ZKSCAN1: variants seen among roughly 807,000 people sequenced by gnomAD.
ZKSCAN1 encodes the protein zinc finger protein with KRAB and SCAN domains 1.
In ZKSCAN1, 14 loss-of-function variants were observed where a neutral mutation model predicts 51.6. The ratio of observed to expected loss-of-function variants is 0.27; its 90% CI spans 0.18 to 0.42. ZKSCAN1 has a LOEUF of 0.42. Ranked by LOEUF, ZKSCAN1 falls within the 10% of genes least tolerant of loss-of-function variation. The pLI, the probability that ZKSCAN1 is intolerant of heterozygous loss-of-function variation, is 1.00. For missense variants in ZKSCAN1, 531 were observed against 710.0 expected (o/e 0.75, Z 2.86); for synonymous variants, 263 against 261.5 (o/e 1.01, Z -0.06).
intron 3 of ZKSCAN1, 126 bp from the exon 4 acceptor site, chr7:100,029,735 C>G (rs887359326): frequency 2.4e-6 from 2 of 826,016 alleles, no homozygotes; most frequent in Non-Finnish European, 3.8e-6. Flanking sequence ...GTCTGGAATT[C>G]TGTATTTGGG....
At chr7:100,022,246 G>C (rs1167366172) in intron 1 of ZKSCAN1, among the ~76,000 whole-genome samples, 1 of 152,192 alleles carries the variant, frequency 6.6e-6, no homozygotes, top group East Asian at 1.9e-4. Flanking sequence ...GTAGAGACAG[G>C]GTTTCACCAT....
chr7:100,043,158 T>G (rs1191146438), downstream of ZKSCAN1, among the ~76,000 whole-genome samples: 1 of 151,648 alleles, frequency 6.6e-6, no homozygotes, highest in Non-Finnish European at 1.5e-5. Flanking sequence ...TCTTGAACTC[T>G]TGGGCTCAAG....
Position 100,037,355 on chromosome 7 carries a change from G to C in ZKSCAN1, c.*3158G>C, listed in dbSNP as rs1166548139. On this transcript the variant is annotated 3_prime_UTR_variant, in exon 6 of 6. Transcript: ENST00000324306. Reference sequence around the variant, plus strand: ...TTGTGGGGTATTTGTTTCTACTCCAGCCTGGCAGGCAAGGCTAAAACCTGA... The same window carrying C: ...TTGTGGGGTATTTGTTTCTACTCCACCCTGGCAGGCAAGGCTAAAACCTGA... 3 of 985,320 alleles carry C rather than the reference G, an allele frequency of 3.0e-6. No individual in the cohort carries two copies. In the African/African-American group the frequency reaches 5.2e-5, roughly 17 times the overall value. 61.0% of individuals were successfully genotyped at this position (985,320 alleles called of 1,614,324 possible). A position where few individuals can be genotyped will look rare whatever the true frequency, so the allele number is the denominator to read the frequency against.
chr7:100,039,276 C>T lies in ZKSCAN1; in HGVS notation c.*5079C>T. The T allele has an allele frequency of 1.0e-6, 1 of 973,550 alleles. No homozygotes were observed. The highest frequency in any genetic ancestry group is 1.2e-6 in the Non-Finnish European group (1 of 819,754). The allele number at this position is 973,550 out of a possible 1,614,324, so 60.3% of individuals were successfully genotyped here. ...GCAGTGAGCCGAGATTGCACCACTGCACTCCAGCCTGGGTAACAGAGACTC... is the reference window on the plus strand; with the variant it reads ...GCAGTGAGCCGAGATTGCACCACTGTACTCCAGCCTGGGTAACAGAGACTC... On this transcript the variant is annotated 3_prime_UTR_variant, in exon 6 of 6. Coordinates refer to ENST00000324306, the MANE Select transcript of ZKSCAN1 (RefSeq NM_003439.4).
rs565787651 is a variant in ZKSCAN1 at position 100,039,493 on chromosome 7, C to A, written c.*5296C>A. The A allele has an allele frequency of 3.6e-5, 35 of 985,406 alleles. No individual in the cohort carries two copies. The African/African-American group carries it at 6.1e-4, about 17-fold the overall frequency. The allele number at this position is 985,406 out of a possible 1,614,324, so 61.0% of individuals were successfully genotyped here. ...TGTGTTCCTGTGTTCCCTGCTCCCA[C>A]TTTTCTTCCCCTGGTTTGTGATTAT... On this transcript the variant is annotated 3_prime_UTR_variant, in exon 6 of 6. Transcript: ENST00000324306.
At chr7:100,030,123 C>A in intron 4 of ZKSCAN1, 126 bp from the exon 5 acceptor site, 1 of 1,478,502 alleles carries the variant, frequency 6.8e-7, no homozygotes, top group Admixed American at 2.0e-5. Context: ...CCCCCAGGTT[C>A]TGGCCACCCT....
In ZKSCAN1 at chr7:100,033,401, A is replaced by G. The variant is rs748381875; in HGVS notation, c.896A>G (p.Lys299Arg). ...GGGGAGACAACAGGAAGATCCCAGA[A>G]AGAGTTTGGAGAGAAACGTGACCAG... ...SRGETTGRSQKEFGEKRDQEG... is the reference protein window; with the variant it reads ...SRGETTGRSQREFGEKRDQEG... The change falls in exon 6 of 6, where the codon AAA (lysine) becomes AGA (arginine). Residue 299 changes from lysine (K) to arginine (R), a missense_variant. Transcript: ENST00000324306. The surrounding 1 kb of genome is among the most constrained non-coding windows in gnomAD (Gnocchi z 4.1). 8.1e-6 allele frequency: 13 copies of G among 1,614,042 alleles called. No individual in the cohort carries two copies. The African/African-American group carries it at 9.3e-5, about 12-fold the overall frequency.
rs751386566 is a variant in ZKSCAN1 at position 100,024,159 on chromosome 7, A to T, written c.432A>T (p.Pro144=). The change falls in exon 3 of 6, where the codon CCA becomes CCT. Residue 144 remains proline (P), a synonymous_variant. Transcript: ENST00000324306. ...CCCAACCTGTCTGTCTTCAGGTCCC[A>T]GGTCAAGTTCATGGACCTGAGATGC... ...LELDLSGQQV[P]GQVHGPEMLA... 6.2e-7 allele frequency: 1 copy of T among 1,609,976 alleles called. No individual in the cohort carries two copies. Among genetic ancestry groups the T allele is most frequent in the Non-Finnish European group, 8.5e-7 (1 of 1,178,410 alleles).
chr7:100,038,122 A>G lies in ZKSCAN1; in HGVS notation c.*3925A>G, dbSNP rs1019810099. 2.0e-5 allele frequency: 20 copies of G among 985,342 alleles called. No homozygotes were observed. The African/African-American group carries it at 3.0e-4, about 15-fold the overall frequency. The allele number at this position is 985,342 out of a possible 1,614,324, so 61.0% of individuals were successfully genotyped here. On this transcript the variant is annotated 3_prime_UTR_variant, in exon 6 of 6. Transcript: ENST00000324306. Reference sequence around the variant, plus strand: ...CTTTAAAAAAATAGCAAAATGTGCAACTTCTTACAAAAATTGTTAACGTTA... The same window carrying G: ...CTTTAAAAAAATAGCAAAATGTGCAGCTTCTTACAAAAATTGTTAACGTTA...
At position 100,039,913 on chromosome 7, in the gene ZKSCAN1, T is replaced by G. The variant is rs1584357303; in HGVS notation, c.*5716T>G. On this transcript the variant is annotated 3_prime_UTR_variant, in exon 6 of 6. Transcript: ENST00000324306. ...ATCATTTCATAGAAATTAGGGTAGA[T>G]TTTTATTTCAACTACTACTGGAGAA... 2.0e-6 allele frequency: 2 copies of G among 981,978 alleles called. No individual in the cohort carries two copies. The highest frequency in any genetic ancestry group is 1.2e-6 in the Non-Finnish European group (1 of 826,972). 60.8% of individuals were successfully genotyped at this position (981,978 alleles called of 1,614,324 possible). A position where few individuals can be genotyped will look rare whatever the true frequency, so the allele number is the denominator to read the frequency against.
At position 100,033,753 on chromosome 7, in the gene ZKSCAN1, T is replaced by C. The variant is rs61736362; in HGVS notation, c.1248T>C (p.Leu416=). Residue 416 remains leucine (L), a synonymous_variant, in exon 6 of 6, where the codon CTT becomes CTC. Coordinates refer to ENST00000324306, the MANE Select transcript of ZKSCAN1 (RefSeq NM_003439.4). The surrounding 1 kb of genome is among the most constrained non-coding windows in gnomAD (Gnocchi z 4.1). Reference sequence around the variant, plus strand: ...GTGAGTGTGGGAAAGCCTTCAGTCTTAACTCCAACCTTGTCCTGCATCAGA... The same window carrying C: ...GTGAGTGTGGGAAAGCCTTCAGTCTCAACTCCAACCTTGTCCTGCATCAGA... The part of the protein sequence containing the change: ...ECSECGKAFS[L]NSNLVLHQRI... The C allele has an allele frequency of 1.7e-4, 271 of 1,614,124 alleles. 1 individual carries two copies. In the African/African-American group the frequency reaches 3.1e-3, roughly 19 times the overall value.
rs555527469 is a variant in ZKSCAN1 at position 100,034,761 on chromosome 7, A to T, written c.*564A>T. ...AGCTGTAGAAATCTAGGACTGTGCTAATCAGTATCAAACCAAAGATTTCTA... is the reference window on the plus strand; with the variant it reads ...AGCTGTAGAAATCTAGGACTGTGCTTATCAGTATCAAACCAAAGATTTCTA... On this transcript the variant is annotated 3_prime_UTR_variant, in exon 6 of 6. Transcript: ENST00000324306. The T allele has an allele frequency of 5.8e-6, 1 of 172,590 alleles. No individual in the cohort carries two copies. Among genetic ancestry groups the T allele is most frequent in the Non-Finnish European group, 1.2e-5 (1 of 86,048 alleles). 10.7% of individuals were successfully genotyped at this position (172,590 alleles called of 1,614,324 possible).
intron 5 of ZKSCAN1, among the ~76,000 whole-genome samples, chr7:100,032,601 CTGTA>C (rs1167675903): frequency 6.6e-6 from 1 of 152,218 alleles, no homozygotes; most frequent in Non-Finnish European, 1.5e-5. Flanking sequence ...TGGCTCATGC[CTGTA>C]ATCCCATCAC....
intron 1 of ZKSCAN1, among the ~76,000 whole-genome samples, chr7:100,016,359 T>C (rs1180138300): frequency 6.6e-6 from 1 of 152,128 alleles, no homozygotes; most frequent in Non-Finnish European, 1.5e-5. Context: ...ATGGAATGCT[T>C]TGAAGGCTTT....
intron 3 of ZKSCAN1, among the ~76,000 whole-genome samples, chr7:100,026,355 A>G (rs974795218): frequency 6.6e-6 from 1 of 151,926 alleles, no homozygotes; most frequent in Non-Finnish European, 1.5e-5. Flanking sequence ...GTGAAAGCCT[A>G]GGACACTACT....
At chr7:100,042,801 T>G (rs1378187825), downstream of ZKSCAN1, among the ~76,000 whole-genome samples, 4 of 149,034 alleles carry the variant, frequency 2.7e-5, no homozygotes, top group South Asian at 2.1e-4. Context: ...TTTTGGGTTT[T>G]TTTTTTTTTT....
intron 4 of ZKSCAN1, 45 bp downstream of exon 4, chr7:100,029,997 T>C (rs1352370430): frequency 6.3e-7 from 1 of 1,599,194 alleles, no homozygotes; most frequent in Admixed American, 1.7e-5. Flanking sequence ...AGTGTCTGCC[T>C]CTGTTCCTGA....
At chr7:100,018,578 C>T (rs150608864) in intron 1 of ZKSCAN1, among the ~76,000 whole-genome samples, 2 of 151,982 alleles carry the variant, frequency 1.3e-5, no homozygotes, top group Non-Finnish European at 1.5e-5. Flanking sequence ...TTAGTAGAGA[C>T]GGGGTTTCAT....
At chr7:100,030,643 A>G (rs1350931202) in intron 5 of ZKSCAN1, among the ~76,000 whole-genome samples, 1 of 152,166 alleles carries the variant, frequency 6.6e-6, no homozygotes, top group African/African-American at 2.4e-5. Context: ...TCACCTCTTC[A>G]GCCACTCAGT....
Sources: allele counts gnomAD v4.1 joint callset (sites outside exome capture counted in the v4.1 genomes callset), GRCh38; gene constraint gnomAD v4.1.1; non-coding constraint Gnocchi (gnomAD v3.1); transcripts MANE v1.5; gene names NCBI Gene and HGNC (gene_info 2026-07-23, HGNC 2026-07-21).